The following KAZN variants were observed in gnomAD, a reference collection of about 807,000 sequenced individuals.
The protein encoded by KAZN is kazrin.
Under a neutral mutation model 87.4 loss-of-function variants are expected in KAZN, and 40 were observed. The ratio of observed to expected loss-of-function variants is 0.46; its 90% CI spans 0.36 to 0.60. The LOEUF (loss-of-function observed/expected upper bound fraction) is 0.60. Ranked by LOEUF, KAZN falls within the 20% of genes least tolerant of loss-of-function variation. KAZN has a pLI of 0.00. For synonymous variants in KAZN, 466 were observed against 458.3 expected (o/e 1.02, Z -0.22); for missense variants, 898 against 1,073.9 (o/e 0.84, Z 2.29).
intron 1 of KAZN, among the ~76,000 whole-genome samples, chr1:14,073,392 T>G (rs1643319246): frequency 6.6e-6 from 1 of 152,158 alleles, no homozygotes; most frequent in Non-Finnish European, 1.5e-5. Flanking sequence ...TTATTTTACC[T>G]ATCTTTAAAA....
chr1:14,619,152 G>C (rs1175806197), intron 1 of KAZN, among the ~76,000 whole-genome samples: 1 of 152,016 alleles, frequency 6.6e-6, no homozygotes, highest in African/African-American at 2.4e-5. Context: ...CTAAGAAAAG[G>C]AATCCAGTTT....
chr1:14,500,181 G>T (rs1168106812), intron 2 of KAZN, among the ~76,000 whole-genome samples: 5 of 152,128 alleles, frequency 3.3e-5, no homozygotes, highest in Non-Finnish European at 7.3e-5. Flanking sequence ...TGCCAGCAAT[G>T]AAGTATTCCT....
intron 1 of KAZN, among the ~76,000 whole-genome samples, chr1:14,614,459 A>T (rs1678062638): frequency 6.6e-6 from 1 of 152,200 alleles, no homozygotes; most frequent in Admixed American, 6.5e-5. Flanking sequence ...AACATTAGAG[A>T]GAGGCAGAGG....
chr1:14,018,547 C>T (rs566863678), intron 1 of KAZN, among the ~76,000 whole-genome samples: 32 of 152,156 alleles, frequency 2.1e-4, no homozygotes, highest in Middle Eastern at 6.3e-3. Flanking sequence ...GCTGATGAAG[C>T]ACTGCCTTTG....
chr1:13,943,545 G>T (rs75390590), intron 1 of KAZN, among the ~76,000 whole-genome samples: 4,662 of 151,392 alleles, frequency 0.031, 221 homozygotes, highest in African/African-American at 0.11. Flanking sequence ...TTCAGAAAAA[G>T]AAAAAAAATC....
At chr1:14,736,195 C>T (rs1375226236) in intron 1 of KAZN, among the ~76,000 whole-genome samples, 1 of 148,380 alleles carries the variant, frequency 6.7e-6, no homozygotes, top group Non-Finnish European at 1.5e-5. Context: ...GAAGGGGGTA[C>T]TTTTTAAAAA....
rs537021441 is a variant in KAZN at position 14,396,092 on chromosome 1, C to T, written c.250-202891C>T. Among the ~76,000 whole-genome samples the T allele has an allele frequency of 6.1e-5, 9 of 147,088 alleles. No homozygotes were observed. The South Asian group carries it at 6.8e-4, about 11-fold the overall frequency. On this transcript the variant is annotated intron_variant, in intron 2 of 16. Transcript: ENST00000636203. ...CTGAGGCAAGAGAATCGCTTGAACCCGGGAGGCAAAGGTTGCAGTGAGCCG... is the reference window on the plus strand; with the variant it reads ...CTGAGGCAAGAGAATCGCTTGAACCTGGGAGGCAAAGGTTGCAGTGAGCCG...
intron 1 of KAZN, among the ~76,000 whole-genome samples, chr1:14,602,889 T>C (rs1677087784): frequency 6.6e-6 from 1 of 152,234 alleles, no homozygotes; most frequent in South Asian, 2.1e-4. Context: ...CATCTTTCTT[T>C]GGTGTGGAGG....
chr1:14,618,243 G>C (rs1302933050), intron 1 of KAZN, among the ~76,000 whole-genome samples: 2 of 152,232 alleles, frequency 1.3e-5, no homozygotes, highest in East Asian at 3.9e-4. Context: ...AGTGATGAGA[G>C]TGAGGATTTG....
chr1:14,048,309 A>C (rs1642163741), intron 1 of KAZN, among the ~76,000 whole-genome samples: 1 of 152,084 alleles, frequency 6.6e-6, no homozygotes, highest in South Asian at 2.1e-4. Flanking sequence ...ATCCTGCCCT[A>C]ATTCAGGCCT....
Position 15,056,589 on chromosome 1 carries a change from A to T in KAZN, c.916+309A>T, listed in dbSNP as rs1573210181. Among the ~76,000 whole-genome samples, 1 of 152,154 alleles carries T rather than the reference A, an allele frequency of 6.6e-6. No homozygotes were observed. The highest frequency in any genetic ancestry group is 2.4e-5 in the African/African-American group (1 of 41,428). ...GTAAAATAGTCCCCTGCAGTTCCAG[A>T]TGTTTAAGACCCTCACAGCTCAAGT... On this transcript the variant is annotated intron_variant, in intron 5 of 14. Coordinates refer to ENST00000376030, the MANE Select transcript of KAZN (RefSeq NM_201628.3). The surrounding 1 kb of genome is among the most constrained non-coding windows in gnomAD (Gnocchi z 5.4).
intron 2 of KAZN, among the ~76,000 whole-genome samples, chr1:14,965,591 A>T (rs533178636): frequency 1.3e-5 from 2 of 152,358 alleles, no homozygotes; most frequent in East Asian, 3.9e-4. Context: ...ATGACTACAT[A>T]ATGTTCTGCC....
intron 2 of KAZN, among the ~76,000 whole-genome samples, chr1:14,550,739 C>CTCTCTCTCTCTCTCTCTCT (rs1480745409): frequency 2.7e-4 from 19 of 70,006 alleles, no homozygotes; most frequent in African/African-American, 8.5e-4. Flanking sequence ...CTCTCTCTCT[C>CTCTCTCTCTCTCTCTCTCT]CCCCACCCCG....
intron 2 of KAZN, among the ~76,000 whole-genome samples, chr1:14,475,292 A>C (rs1392984037): frequency 6.6e-6 from 1 of 152,240 alleles, no homozygotes. Context: ...TTATTAACAG[A>C]GAAATCTTGA....
chr1:14,056,225 A>G (rs1642548584), intron 1 of KAZN, among the ~76,000 whole-genome samples: 1 of 152,252 alleles, frequency 6.6e-6, no homozygotes, highest in Admixed American at 6.5e-5. Context: ...ATGCTACTTT[A>G]CATGGCAGAC....
intron 1 of KAZN, among the ~76,000 whole-genome samples, chr1:14,142,435 C>T (rs1037510639): frequency 6.6e-6 from 1 of 152,208 alleles, no homozygotes; most frequent in African/African-American, 2.4e-5. Flanking sequence ...AATGTTATTG[C>T]ACCTACCTGG....
intron 2 of KAZN, among the ~76,000 whole-genome samples, chr1:14,378,407 C>T (rs995352596): frequency 6.6e-6 from 1 of 152,210 alleles, no homozygotes; most frequent in Non-Finnish European, 1.5e-5. Flanking sequence ...GAAGAAACAA[C>T]CTTCATGAGA....
intron 1 of KAZN, among the ~76,000 whole-genome samples, chr1:14,752,569 C>A (rs1240213208): frequency 6.6e-6 from 1 of 152,156 alleles, no homozygotes; most frequent in Admixed American, 6.5e-5. Context: ...CGCCTTCTTG[C>A]TATGTCCTCA....
At chr1:14,567,600 T>G (rs972034252) in intron 2 of KAZN, among the ~76,000 whole-genome samples, 1 of 152,258 alleles carries the variant, frequency 6.6e-6, no homozygotes, top group Admixed American at 6.5e-5. Flanking sequence ...GCATTGCTCT[T>G]TGAACTGCTT....
Sources: allele counts gnomAD v4.1 joint callset (sites outside exome capture counted in the v4.1 genomes callset), GRCh38; gene constraint gnomAD v4.1.1; non-coding constraint Gnocchi (gnomAD v3.1); transcripts MANE v1.5; gene names NCBI Gene and HGNC (gene_info 2026-07-23, HGNC 2026-07-21).